The following SEMA5A variants were observed in gnomAD, a reference collection of about 807,000 sequenced individuals.
SEMA5A encodes semaphorin-5A.
In SEMA5A, 55 loss-of-function variants were observed where a neutral mutation model predicts 135.5. The ratio of observed to expected loss-of-function variants is 0.41; its 90% CI spans 0.33 to 0.51. The LOEUF (loss-of-function observed/expected upper bound fraction) is 0.51. Among genes scored for constraint, SEMA5A ranks in the 20% least tolerant of loss-of-function variants. The pLI, the probability that SEMA5A is intolerant of heterozygous loss-of-function variation, is 0.37. For missense variants in SEMA5A, 1,290 were observed against 1,419.9 expected (o/e 0.91, Z 1.47); for synonymous variants, 580 against 546.5 (o/e 1.06, Z -0.85).
At chr5:9,324,259 G>A (rs1343657307) in intron 4 of SEMA5A, among the ~76,000 whole-genome samples, 1 of 151,344 alleles carries the variant, frequency 6.6e-6, no homozygotes, top group Non-Finnish European at 1.5e-5. Flanking sequence ...TAGTAGAGAC[G>A]GGGTTTCACC....
In SEMA5A at chr5:9,163,251, T is replaced by C. The variant is rs963711507; in HGVS notation, c.1274-8556A>G. ...ACAGACGATGAAAAAAAACCTTCTA[T>C]TGCTGTTTCATTTAAAAAAAAAAAG... On this transcript the variant is annotated intron_variant, in intron 11 of 22. Transcript: ENST00000382496. Among the ~76,000 whole-genome samples the C allele has an allele frequency of 8.0e-5, 12 of 149,290 alleles. No individual in the cohort carries two copies. In the East Asian group the frequency reaches 1.4e-3, roughly 17 times the overall value.
Position 9,437,801 on chromosome 5 carries a change from C to T in SEMA5A, c.-123G>A, listed in dbSNP as rs1758087163. 6.6e-6 allele frequency: 1 copy of T among 152,524 alleles called. No homozygotes were observed. The highest frequency in any genetic ancestry group is 2.1e-4 in the South Asian group (1 of 4,832). 9.4% of individuals were successfully genotyped at this position (152,524 alleles called of 1,614,324 possible). ...GACGCGTTTCCTCAATCATGAATCA[C>T]ACTGACTCCACAGCCACGTGGGCAC... On this transcript the variant is annotated 5_prime_UTR_variant, in exon 2 of 23. The change creates a new upstream start codon in the 5' untranslated region. Coordinates refer to ENST00000382496, the MANE Select transcript of SEMA5A (RefSeq NM_003966.3).
At chr5:9,099,994 C>T (rs1739536299) in intron 16 of SEMA5A, among the ~76,000 whole-genome samples, 1 of 152,186 alleles carries the variant, frequency 6.6e-6, no homozygotes, top group Admixed American at 6.5e-5. Context: ...AGAAAAATGA[C>T]TTTTCTTTCA....
At chr5:9,291,603 GAA>G (rs1554015637) in intron 5 of SEMA5A, among the ~76,000 whole-genome samples, 7 of 104,088 alleles carry the variant, frequency 6.7e-5, no homozygotes, top group Non-Finnish European at 1.4e-4. Context: ...GAGAGAGAGA[GAA>G]AGAGAGAGAG....
chr5:9,522,896 G>C (rs953605382), intron 1 of SEMA5A: 10 of 152,140 alleles, frequency 6.6e-5, no homozygotes, highest in African/African-American at 2.2e-4. Flanking sequence ...CCTTCTCATA[G>C]CTCTTCATAA....
intron 8 of SEMA5A, among the ~76,000 whole-genome samples, chr5:9,205,496 C>A (rs1745965397): frequency 6.6e-6 from 1 of 152,084 alleles, no homozygotes; most frequent in South Asian, 2.1e-4. Context: ...TCTGTTCCAG[C>A]AAACCACATC....
At chr5:9,455,063 C>T (rs1023340528) in intron 1 of SEMA5A, among the ~76,000 whole-genome samples, 1 of 151,984 alleles carries the variant, frequency 6.6e-6, no homozygotes, top group Admixed American at 6.5e-5. Context: ...TTATGAGTGA[C>T]AAATCAAACT....
intron 2 of SEMA5A, among the ~76,000 whole-genome samples, chr5:9,386,714 C>A (rs1755909312): frequency 1.3e-5 from 2 of 152,206 alleles, no homozygotes; most frequent in African/African-American, 4.8e-5. Context: ...CTTGGAGAGA[C>A]CCAGACCTTT....
At position 9,080,451 on chromosome 5, in the gene SEMA5A, G is replaced by A. The variant is rs549241910; in HGVS notation, c.2074-13805C>T. On this transcript the variant is annotated intron_variant, in intron 16 of 22. Coordinates refer to ENST00000382496, the MANE Select transcript of SEMA5A (RefSeq NM_003966.3). ...GAGAAATACCTAATGTAGATGACAG[G>A]TTGATGGGTGCAGCAAACCATCATG... Among the ~76,000 whole-genome samples, 5 of 151,782 alleles carry A rather than the reference G, an allele frequency of 3.3e-5. No homozygotes were observed. In the South Asian group the frequency reaches 1.0e-3, roughly 32 times the overall value.
intron 16 of SEMA5A, among the ~76,000 whole-genome samples, chr5:9,105,607 C>T (rs367664303): frequency 7.9e-5 from 12 of 152,100 alleles, no homozygotes; most frequent in Admixed American, 2.6e-4. Context: ...AGCACTCAAA[C>T]GTGAGACCTG....
chr5:9,384,737 C>T (rs1027896346), intron 2 of SEMA5A, among the ~76,000 whole-genome samples: 1 of 146,314 alleles, frequency 6.8e-6, no homozygotes, highest in Non-Finnish European at 1.5e-5. Flanking sequence ...GACAGACAGA[C>T]AGACAGATGC....
intron 5 of SEMA5A, among the ~76,000 whole-genome samples, chr5:9,245,038 G>A (rs929881296): frequency 2.0e-5 from 3 of 152,180 alleles, no homozygotes; most frequent in Non-Finnish European, 2.9e-5. Context: ...AAGTGGTATA[G>A]TATTCCCCTT....
chr5:9,215,859 C>T (rs1326531235), intron 8 of SEMA5A, among the ~76,000 whole-genome samples: 2 of 151,586 alleles, frequency 1.3e-5, no homozygotes, highest in African/African-American at 4.9e-5. Context: ...ATTCACTAAT[C>T]TTTTGAATGA....
chr5:9,414,328 C>T (rs1229928778), intron 2 of SEMA5A, among the ~76,000 whole-genome samples: 2 of 152,158 alleles, frequency 1.3e-5, no homozygotes, highest in Admixed American at 1.3e-4. Context: ...TTACTTTCAT[C>T]GAAGATGACA....
intron 8 of SEMA5A, among the ~76,000 whole-genome samples, chr5:9,212,647 TTC>T (rs1746402320): frequency 6.6e-6 from 1 of 152,226 alleles, no homozygotes; most frequent in African/African-American, 2.4e-5. Context: ...TGCTGTTTAA[TTC>T]TGATATATAA....
chr5:9,218,903 C>T (rs1003519799), intron 8 of SEMA5A, among the ~76,000 whole-genome samples: 3 of 152,270 alleles, frequency 2.0e-5, no homozygotes, highest in African/African-American at 7.2e-5. Context: ...CTCCCTACTA[C>T]ATCTCAGACA....
At chr5:9,540,107 C>T (rs1229057379) in intron 1 of SEMA5A, among the ~76,000 whole-genome samples, 2 of 152,328 alleles carry the variant, frequency 1.3e-5, no homozygotes, top group East Asian at 3.9e-4. Context: ...TACATAGTCT[C>T]TAAGGGCATT....
At chr5:9,479,322 G>A (rs1356489398) in intron 1 of SEMA5A, among the ~76,000 whole-genome samples, 1 of 151,752 alleles carries the variant, frequency 6.6e-6, no homozygotes, top group Admixed American at 6.6e-5. Flanking sequence ...GGAGTTTGAG[G>A]TCAGTGAGCT....
intron 11 of SEMA5A, among the ~76,000 whole-genome samples, chr5:9,169,233 T>G (rs1743778996): frequency 6.6e-6 from 1 of 152,164 alleles, no homozygotes; most frequent in Non-Finnish European, 1.5e-5. Flanking sequence ...TTAATTAACT[T>G]GATTGTGGTG....
Sources: allele counts gnomAD v4.1 joint callset (sites outside exome capture counted in the v4.1 genomes callset), GRCh38; gene constraint gnomAD v4.1.1; transcripts MANE v1.5; gene names NCBI Gene and HGNC (gene_info 2026-07-23, HGNC 2026-07-21).